KCNN2: variants seen among roughly 807,000 people sequenced by gnomAD.
The protein encoded by KCNN2 is small conductance calcium-activated potassium channel protein 2.
In KCNN2, 24 loss-of-function variants were observed where a neutral mutation model predicts 55.5. The ratio of observed to expected loss-of-function variants is 0.43; its 90% CI spans 0.31 to 0.61. KCNN2 has a LOEUF of 0.61. KCNN2 is among the 20% of genes least tolerant of loss of function. The pLI, the probability that KCNN2 is intolerant of heterozygous loss-of-function variation, is 0.08. For synonymous variants in KCNN2, 431 were observed against 336.1 expected (o/e 1.28, Z -3.09); for missense variants, 754 against 853.6 (o/e 0.88, Z 1.45).
rs1748120156 is a variant in KCNN2, at chr5:114,496,309, C to G, written c.*127C>G. On this transcript the variant is annotated 3_prime_UTR_variant, in exon 8 of 8. Transcript: ENST00000673685. Reference sequence around the variant, plus strand: ...GTTCTGATGTCAGAATCCTGGGAACCTGAACACTAAGTTTTAGGCCAAAAT... The same window carrying G: ...GTTCTGATGTCAGAATCCTGGGAACGTGAACACTAAGTTTTAGGCCAAAAT... The G allele has an allele frequency of 1.9e-6, 2 of 1,050,062 alleles. No individual in the cohort carries two copies. The highest frequency in any genetic ancestry group is 1.6e-5 in the African/African-American group (1 of 62,364). The allele number at this position is 1,050,062 out of a possible 1,614,324, so 65.0% of individuals were successfully genotyped here. A position where few individuals can be genotyped will look rare whatever the true frequency, so the allele number is the denominator to read the frequency against.
intron 5 of KCNN2, among the ~76,000 whole-genome samples, chr5:114,483,316 C>G (rs1762313041): frequency 6.8e-6 from 1 of 147,676 alleles, no homozygotes; most frequent in Admixed American, 6.9e-5. Flanking sequence ...GCTTTGTCAC[C>G]CAGGCTGGAG....
intron 2 of KCNN2, among the ~76,000 whole-genome samples, chr5:114,322,651 G>A (rs1241340196): frequency 1.3e-5 from 2 of 151,510 alleles, no homozygotes; most frequent in Admixed American, 1.3e-4. Context: ...TATTTTAATT[G>A]ATGCTGCAGC....
chr5:114,072,707 C>G (rs140658269), intron 1 of KCNN2, among the ~76,000 whole-genome samples: 1 of 152,256 alleles, frequency 6.6e-6, no homozygotes, highest in East Asian at 1.9e-4. Context: ...AACTAAACCG[C>G]TTGGGTTCCA....
At chr5:114,088,752 T>G (rs989435964) in intron 1 of KCNN2, among the ~76,000 whole-genome samples, 1 of 152,164 alleles carries the variant, frequency 6.6e-6, no homozygotes, top group African/African-American at 2.4e-5. Flanking sequence ...CCCAAGTAGC[T>G]GAGATTCTAG....
At chr5:114,349,191 T>G (rs1203164498) in intron 2 of KCNN2, among the ~76,000 whole-genome samples, 1 of 152,176 alleles carries the variant, frequency 6.6e-6, no homozygotes, top group Non-Finnish European at 1.5e-5. Flanking sequence ...TTCCTTTATG[T>G]CTTTTCAAGG....
At chr5:114,189,424 T>C (rs1190253361) in intron 1 of KCNN2, among the ~76,000 whole-genome samples, 1 of 152,114 alleles carries the variant, frequency 6.6e-6, no homozygotes, top group Non-Finnish European at 1.5e-5. Flanking sequence ...ATTGATTGGA[T>C]TGAGGCCACC....
chr5:114,287,605 G>A (rs1282102485), intron 2 of KCNN2, among the ~76,000 whole-genome samples: 2 of 151,942 alleles, frequency 1.3e-5, no homozygotes, highest in Non-Finnish European at 2.9e-5. Context: ...TCGGGGGATG[G>A]GGGGCAAGGG....
At chr5:114,235,732 A>T (rs1043661847) in intron 2 of KCNN2, among the ~76,000 whole-genome samples, 1 of 152,256 alleles carries the variant, frequency 6.6e-6, no homozygotes, top group South Asian at 2.1e-4. Flanking sequence ...ATCACTGAAG[A>T]TACATCACAA....
At chr5:114,275,110 C>T (rs1314323788) in intron 2 of KCNN2, among the ~76,000 whole-genome samples, 5 of 152,034 alleles carry the variant, frequency 3.3e-5, no homozygotes, top group African/African-American at 7.2e-5. Context: ...TTTTGTCATT[C>T]GATCTGTTTA....
At chr5:114,318,121 C>T (rs1244529560) in intron 2 of KCNN2, among the ~76,000 whole-genome samples, 1 of 152,184 alleles carries the variant, frequency 6.6e-6, no homozygotes, top group Non-Finnish European at 1.5e-5. Context: ...CTACTCATCT[C>T]CTGTCTGCTC....
At chr5:114,115,128 G>A (rs1007941049) in intron 1 of KCNN2, among the ~76,000 whole-genome samples, 4 of 152,084 alleles carry the variant, frequency 2.6e-5, no homozygotes, top group Non-Finnish European at 2.9e-5. Context: ...TTAGTAAGAT[G>A]TCAGGCTTTC....
At chr5:114,448,275 A>G (rs1003986716) in intron 3 of KCNN2, among the ~76,000 whole-genome samples, 1 of 151,972 alleles carries the variant, frequency 6.6e-6, no homozygotes, top group African/African-American at 2.4e-5. Context: ...AACACAACAT[A>G]TTGTGTCAGT....
intron 2 of KCNN2, among the ~76,000 whole-genome samples, chr5:114,298,082 T>A (rs944277379): frequency 6.6e-6 from 1 of 152,240 alleles, no homozygotes; most frequent in South Asian, 2.1e-4. Flanking sequence ...AAAAGGTACC[T>A]GATACTAAGT....
At position 114,496,178 on chromosome 5, in the gene KCNN2, G is replaced by A; in HGVS notation, c.2372G>A (p.Ser791Asn). The change falls in exon 8 of 8, where the codon AGC (serine) becomes AAC (asparagine). Residue 791 changes from serine to asparagine, a missense_variant. Coordinates refer to ENST00000673685, the MANE Select transcript of KCNN2 (RefSeq NM_021614.4). Reference protein sequence around the residue: ...STAPPTSSESS With the variant: ...STAPPTSSESN ...GCACCACCAACTTCATCAGAGAGTAGCTAGAAGAGAATAAGTTAACCACAA... is the reference window on the plus strand; with the variant it reads ...GCACCACCAACTTCATCAGAGAGTAACTAGAAGAGAATAAGTTAACCACAA... The A allele has an allele frequency of 6.2e-7, 1 of 1,613,254 alleles. No homozygotes were observed. Among genetic ancestry groups the A allele is most frequent in the South Asian group, 1.1e-5 (1 of 91,044 alleles).
intron 2 of KCNN2, among the ~76,000 whole-genome samples, chr5:114,262,511 A>T (rs565516758): frequency 2.0e-5 from 3 of 152,284 alleles, no homozygotes; most frequent in South Asian, 2.1e-4. Flanking sequence ...ATTGCCTGGG[A>T]GTGAATCCTG....
chr5:114,265,708 C>T (rs1056552236), intron 2 of KCNN2, among the ~76,000 whole-genome samples: 4 of 152,294 alleles, frequency 2.6e-5, no homozygotes, highest in East Asian at 3.9e-4. Flanking sequence ...CCAAGTCACC[C>T]GCACAGACAC....
At chr5:114,396,496 T>G (rs954066946) in intron 2 of KCNN2, among the ~76,000 whole-genome samples, 1 of 151,914 alleles carries the variant, frequency 6.6e-6, no homozygotes, top group Non-Finnish European at 1.5e-5. Flanking sequence ...TGTCGGGGGG[T>G]TTGGATTATA....
At chr5:114,350,086 G>A (rs76395110) in intron 2 of KCNN2, among the ~76,000 whole-genome samples, 1 of 151,574 alleles carries the variant, frequency 6.6e-6, no homozygotes. Context: ...TTTGCCTTTG[G>A]CTTATTTATT....
rs147265964 is a variant in KCNN2, at chr5:114,380,248, G to A, written c.1218+16247G>A. On this transcript the variant is annotated intron_variant, in intron 2 of 7. Transcript: ENST00000673685. ...TCAATTGTTGCCGTTTTCTTCTAAC[G>A]TGGATTAATGTAGTCTCCTGCCTCC... 5.3e-5 allele frequency among the ~76,000 whole-genome samples: 8 copies of A among 152,230 alleles called. No homozygotes were observed. The East Asian group carries it at 7.7e-4, about 15-fold the overall frequency.
Sources: gnomAD v4.1 joint callset for allele counts (sites outside exome capture counted in the v4.1 genomes callset) on GRCh38, gnomAD v4.1.1 for gene constraint, MANE v1.5 for transcripts, NCBI Gene and HGNC (gene_info 2026-07-23, HGNC 2026-07-21) for gene names.